The following GALNTL6 variants were observed in gnomAD, a reference collection of about 807,000 sequenced individuals.
GALNTL6 encodes the protein polypeptide N-acetylgalactosaminyltransferase like 6, also known as polypeptide N-acetylgalactosaminyltransferase-like 6.
Under a neutral mutation model 73.7 loss-of-function variants are expected in GALNTL6, and 46 were observed. The ratio of observed to expected loss-of-function variants is 0.62; its 90% CI spans 0.49 to 0.80. The LOEUF (loss-of-function observed/expected upper bound fraction) is 0.80, where lower values mean the gene tolerates loss of function less well. Ranked by LOEUF, GALNTL6 falls within the 30% of genes least tolerant of loss-of-function variation. The pLI is 0.00. For missense variants in GALNTL6, 604 were observed against 755.0 expected, an observed-to-expected ratio of 0.80 and a Z score of 2.34; for synonymous variants, 259 against 263.7, an observed-to-expected ratio of 0.98 and a Z score of 0.17.
intron 5 of GALNTL6, among the ~76,000 whole-genome samples, chr4:172,487,350 C>CCTTCT (rs1733726572): frequency 1.9e-4 from 23 of 122,518 alleles, no homozygotes; most frequent in African/African-American, 6.8e-4. Flanking sequence ...TTCTTTCTTT[C>CCTTCT]TTTCTTTCCT....
At chr4:172,611,676 C>T (rs2111050200) in intron 5 of GALNTL6, among the ~76,000 whole-genome samples, 1 of 152,132 alleles carries the variant, frequency 6.6e-6, no homozygotes, top group African/African-American at 2.4e-5. Flanking sequence ...TACAGTATCT[C>T]ACAGGGGTTC....
intron 10 of GALNTL6, among the ~76,000 whole-genome samples, chr4:172,981,820 T>C (rs1054372649): frequency 7.7e-6 from 1 of 130,658 alleles, no homozygotes; most frequent in African/African-American, 2.7e-5. Context: ...TTTTTTTTTT[T>C]AGATGGAGTT....
chr4:172,342,750 A>G (rs1015651658), intron 4 of GALNTL6, among the ~76,000 whole-genome samples: 4 of 152,208 alleles, frequency 2.6e-5, no homozygotes, highest in Admixed American at 2.0e-4. Flanking sequence ...GAAGACTAAA[A>G]TGATTGATTT....
chr4:171,955,610 C>T (rs1474567034), intron 2 of GALNTL6, among the ~76,000 whole-genome samples: 1 of 152,012 alleles, frequency 6.6e-6, no homozygotes. Context: ...CTATGTAAAT[C>T]GTTGTTATAC....
chr4:172,332,066 A>C (rs1741146481), intron 4 of GALNTL6, among the ~76,000 whole-genome samples: 1 of 151,992 alleles, frequency 6.6e-6, no homozygotes. Context: ...GACCTTTCTG[A>C]CAGGTGTTAG....
chr4:172,733,011 T>C (rs1353092755), intron 5 of GALNTL6, among the ~76,000 whole-genome samples: 1 of 152,250 alleles, frequency 6.6e-6, no homozygotes, highest in Non-Finnish European at 1.5e-5. Context: ...ATGCATACTC[T>C]GAGTTTGAAT....
chr4:172,320,955 G>A (rs1385360800), intron 4 of GALNTL6, among the ~76,000 whole-genome samples: 1 of 152,102 alleles, frequency 6.6e-6, no homozygotes, highest in African/African-American at 2.4e-5. Context: ...CACTTTTGGA[G>A]GCTTTATTTA....
chr4:172,066,768 C>G (rs1731377662), intron 2 of GALNTL6, among the ~76,000 whole-genome samples: 1 of 152,124 alleles, frequency 6.6e-6, no homozygotes, highest in Non-Finnish European at 1.5e-5. Context: ...CTATCATTGC[C>G]TAATGACCCT....
chr4:172,348,761 A>C (rs1741842778), intron 5 of GALNTL6, 72 bp downstream of exon 5: 3 of 962,206 alleles, frequency 3.1e-6, no homozygotes, highest in Admixed American at 5.4e-5. Context: ...TTTTTAAAAA[A>C]GACAATGGGA....
At chr4:172,607,611 T>G (rs1407699894) in intron 5 of GALNTL6, among the ~76,000 whole-genome samples, 1 of 152,168 alleles carries the variant, frequency 6.6e-6, no homozygotes, top group Non-Finnish European at 1.5e-5. Flanking sequence ...TTTGGGTGTA[T>G]AGCCAATAAT....
chr4:172,312,767 A>G (rs953999508), intron 4 of GALNTL6, among the ~76,000 whole-genome samples: 1 of 152,214 alleles, frequency 6.6e-6, no homozygotes, highest in Non-Finnish European at 1.5e-5. Context: ...ACTATTTTCT[A>G]GTTGCCATTT....
intron 2 of GALNTL6, among the ~76,000 whole-genome samples, chr4:172,131,113 C>G (rs1047746253): frequency 6.6e-6 from 1 of 151,792 alleles, no homozygotes; most frequent in Non-Finnish European, 1.5e-5. Flanking sequence ...AACCTTTGGG[C>G]TTTTGTCAAA....
At chr4:171,901,418 T>C (rs1268604065) in intron 2 of GALNTL6, among the ~76,000 whole-genome samples, 1 of 152,150 alleles carries the variant, frequency 6.6e-6, no homozygotes, top group Non-Finnish European at 1.5e-5. Flanking sequence ...ATCTGCACCC[T>C]GAGAAGCTGG....
chr4:172,310,903 A>G (rs1740332966), intron 3 of GALNTL6, among the ~76,000 whole-genome samples: 1 of 152,064 alleles, frequency 6.6e-6, no homozygotes, highest in East Asian at 1.9e-4. Context: ...TAAATATAGT[A>G]TGTAAAAAAC....
At chr4:172,397,657 A>G (rs934993982) in intron 5 of GALNTL6, among the ~76,000 whole-genome samples, 1 of 151,842 alleles carries the variant, frequency 6.6e-6, no homozygotes, top group Non-Finnish European at 1.5e-5. Flanking sequence ...TGCTCACCGC[A>G]ACCTTTGCCT....
Position 172,675,372 on chromosome 4 carries a change from G to A in GALNTL6, c.554-133989G>A, listed in dbSNP as rs180679339. ...TGAAGGCCAAGGTGCAGCAACTGCAGCAGCATGCTAGTGGATGCTGGGGTA... is the reference window on the plus strand; with the variant it reads ...TGAAGGCCAAGGTGCAGCAACTGCAACAGCATGCTAGTGGATGCTGGGGTA... On this transcript the variant is annotated intron_variant, in intron 5 of 12. Transcript: ENST00000506823. Among the ~76,000 whole-genome samples, 154 of 152,330 alleles carry A rather than the reference G, an allele frequency of 1.0e-3. 1 individual carries two copies. In the South Asian group the frequency reaches 0.021, roughly 21 times the overall value.
chr4:172,397,406 A>G (rs1306470607), intron 5 of GALNTL6, among the ~76,000 whole-genome samples: 1 of 152,116 alleles, frequency 6.6e-6, no homozygotes, highest in Non-Finnish European at 1.5e-5. Flanking sequence ...AATCATTGAA[A>G]CACTGGGAGC....
At chr4:172,685,776 A>T (rs1051396599) in intron 5 of GALNTL6, among the ~76,000 whole-genome samples, 4 of 152,148 alleles carry the variant, frequency 2.6e-5, no homozygotes, top group African/African-American at 9.7e-5. Context: ...AGAAAAAAAA[A>T]TATCCCTATT....
At chr4:172,077,616 AAG>A (rs1380319235) in intron 2 of GALNTL6, among the ~76,000 whole-genome samples, 1 of 152,214 alleles carries the variant, frequency 6.6e-6, no homozygotes, top group East Asian at 1.9e-4. Context: ...TGTGTGAACA[AAG>A]AGATTATTTG....
Sources: gnomAD v4.1 joint callset for allele counts (sites outside exome capture counted in the v4.1 genomes callset) on GRCh38, gnomAD v4.1.1 for gene constraint, MANE v1.5 for transcripts, NCBI Gene and HGNC (gene_info 2026-07-23, HGNC 2026-07-21) for gene names.